The following PCDHGB4 variants were observed in gnomAD, a reference collection of about 807,000 sequenced individuals.
PCDHGB4 encodes protocadherin gamma-B4.
Under a neutral mutation model 60.5 loss-of-function variants are expected in PCDHGB4, and 38 were observed. The observed-to-expected ratio is 0.63, with a 90% CI of 0.48 to 0.82. The LOEUF (loss-of-function observed/expected upper bound fraction) is 0.82, where lower values mean the gene tolerates loss of function less well. PCDHGB4 is among the 40% of genes least tolerant of loss of function. The pLI is 0.00. For missense variants in PCDHGB4, 1,109 were observed against 1,209.6 expected (o/e 0.92, Z 1.23); for synonymous variants, 456 against 509.7 (o/e 0.89, Z 1.42).
At chr5:141,410,335 T>C (rs2095381391) in intron 1 of PCDHGB4, 1 of 1,613,894 alleles carries the variant, frequency 6.2e-7, no homozygotes, top group African/African-American at 1.3e-5. Context: ...TTCTGGCCAT[T>C]GCCTTGCGCC....
chr5:141,414,767 AGCTACAGAT>A, intron 1 of PCDHGB4: 2 of 1,614,190 alleles, frequency 1.2e-6, no homozygotes, highest in Middle Eastern at 1.6e-4. Flanking sequence ...CAGTTTCATG[AGCTACAGAT>A]GCAGGTGACA....
intron 1 of PCDHGB4, chr5:141,419,602 C>T (rs757423030): frequency 6.2e-7 from 1 of 1,611,874 alleles, no homozygotes; most frequent in Admixed American, 1.7e-5. Flanking sequence ...TGCCGCGGGC[C>T]GCGCAGCCAG....
At chr5:141,448,822 G>A (rs924937891) in intron 1 of PCDHGB4, among the ~76,000 whole-genome samples, 4 of 152,048 alleles carry the variant, frequency 2.6e-5, no homozygotes, top group African/African-American at 9.7e-5. Context: ...GCGGGCGCCT[G>A]TAGTCCCAGC....
chr5:141,418,123 C>A (rs1049456676), intron 1 of PCDHGB4: 8 of 1,613,914 alleles, frequency 5.0e-6, no homozygotes, highest in Admixed American at 3.3e-5. Flanking sequence ...TTGTGAAGGA[C>A]CGAATAGACC....
intron 2 of PCDHGB4, among the ~76,000 whole-genome samples, chr5:141,496,856 G>A (rs1324235700): frequency 6.7e-6 from 1 of 150,206 alleles, no homozygotes; most frequent in African/African-American, 2.5e-5. Context: ...CAGACCAGCA[G>A]AGGAGACTGA....
At chr5:141,496,799 G>C (rs2099771487) in intron 2 of PCDHGB4, among the ~76,000 whole-genome samples, 1 of 151,912 alleles carries the variant, frequency 6.6e-6, no homozygotes, top group African/African-American at 2.4e-5. Context: ...TAAACATTGG[G>C]CTATAGGAGT....
intron 1 of PCDHGB4, chr5:141,418,458 T>C: frequency 6.2e-7 from 1 of 1,614,010 alleles, no homozygotes; most frequent in African/African-American, 1.3e-5. Context: ...CAGAAGACTC[T>C]GGACCGAGAA....
At chr5:141,442,205 A>G (rs2098308049) in intron 1 of PCDHGB4, 1 of 153,214 alleles carries the variant, frequency 6.5e-6, no homozygotes, top group Admixed American at 6.5e-5. Context: ...ATATCTGGTG[A>G]TTGCCTTAGC....
At chr5:141,402,221 G>T (rs567791316) in intron 1 of PCDHGB4, among the ~76,000 whole-genome samples, 1 of 151,824 alleles carries the variant, frequency 6.6e-6, no homozygotes, top group East Asian at 1.9e-4. Flanking sequence ...TAAAATAAAC[G>T]TTTTTCCAGG....
chr5:141,407,656 C>T (rs1333500318), intron 1 of PCDHGB4, among the ~76,000 whole-genome samples: 1 of 151,756 alleles, frequency 6.6e-6, no homozygotes, highest in Admixed American at 6.6e-5. Flanking sequence ...TGGGGGAGCG[C>T]AGTATATATT....
At chr5:141,407,873 A>C (rs561323423) in intron 1 of PCDHGB4, 1 of 354,804 alleles carries the variant, frequency 2.8e-6, no homozygotes, top group African/African-American at 2.1e-5. Flanking sequence ...CGAAGAATAT[A>C]TACATTTCGG....
chr5:141,491,327 T>C lies in PCDHGB4; in HGVS notation c.2398-3480T>C, dbSNP rs1422115943. ...TCAGACCTTACCCTTTACCTCATTG[T>C]GGCTCTAGCGACCGTCAGTCTCTTA... is the stretch of plus-strand genomic sequence containing the variant. On this transcript the variant is annotated intron_variant, in intron 1 of 3. Coordinates refer to ENST00000519479, the MANE Select transcript of PCDHGB4 (RefSeq NM_003736.4). This position sits in a 1 kb window ranked among gnomAD's most constrained non-coding sequence, Gnocchi z 6.9. 5.6e-6 allele frequency: 9 copies of C among 1,614,098 alleles called. No homozygotes were observed. Among genetic ancestry groups the C allele is most frequent in the Admixed American group, 3.3e-5 (2 of 60,006 alleles).
chr5:141,405,621 C>T lies in PCDHGB4; in HGVS notation c.2397+15340C>T, dbSNP rs2094693815. 9.2e-6 allele frequency: 5 copies of T among 543,194 alleles called. No individual in the cohort carries two copies. In the South Asian group the frequency reaches 1.0e-4, roughly 11 times the overall value. 33.6% of individuals were successfully genotyped at this position (543,194 alleles called of 1,614,324 possible). ...AGTAGAATAACTGGGACTACAGGCA[C>T]GTGCCACCACGCCCGGCTAATTTTT... On this transcript the variant is annotated intron_variant, in intron 1 of 3. Coordinates refer to ENST00000519479, the MANE Select transcript of PCDHGB4 (RefSeq NM_003736.4).
At chr5:141,478,355 G>T (rs1193169527) in intron 1 of PCDHGB4, 7 of 1,613,742 alleles carry the variant, frequency 4.3e-6, no homozygotes, top group Non-Finnish European at 5.1e-6. Flanking sequence ...CGCGGACGCC[G>T]TGCGGGGAGG....
At position 141,508,909 on chromosome 5, in the gene PCDHGB4, G is replaced by A. The variant is rs545345992; in HGVS notation, c.2546-2038G>A. ...GAGGGGAGGGGGCGGGGCGGTGGCG[G>A]ATCTGGCTTCCTTTTGGAGTTAATT... is the stretch of plus-strand genomic sequence containing the variant. On this transcript the variant is annotated intron_variant, in intron 3 of 3. Coordinates refer to ENST00000519479, the MANE Select transcript of PCDHGB4 (RefSeq NM_003736.4). 2.0e-5 allele frequency among the ~76,000 whole-genome samples: 3 copies of A among 152,202 alleles called. No homozygotes were observed. The South Asian group carries it at 6.2e-4, about 32-fold the overall frequency.
At chr5:141,500,250 C>T (rs913074120) in intron 2 of PCDHGB4, among the ~76,000 whole-genome samples, 4 of 149,826 alleles carry the variant, frequency 2.7e-5, no homozygotes, top group African/African-American at 9.9e-5. Flanking sequence ...GCTCTGTCAC[C>T]CAGGCTGGAC....
In PCDHGB4 at chr5:141,476,651, T is replaced by C. The variant is rs1355056895; in HGVS notation, c.2398-18156T>C. On this transcript the variant is annotated intron_variant, in intron 1 of 3. Coordinates refer to ENST00000519479, the MANE Select transcript of PCDHGB4 (RefSeq NM_003736.4). This position sits in a 1 kb window ranked among gnomAD's most constrained non-coding sequence, Gnocchi z 7.6. ...AACCTATGAGCTGAGCCGAAATGAA[T>C]ACTTTGCGCTTCGCGTGCAGACGCG... is the stretch of plus-strand genomic sequence containing the variant. The C allele has an allele frequency of 3.7e-6, 6 of 1,614,118 alleles. No individual in the cohort carries two copies. Among genetic ancestry groups the C allele is most frequent in the Non-Finnish European group, 5.1e-6 (6 of 1,180,050 alleles).
intron 1 of PCDHGB4, chr5:141,405,413 T>C: frequency 6.4e-7 from 1 of 1,561,606 alleles, no homozygotes; most frequent in South Asian, 1.2e-5. Context: ...TTTTCTTTTT[T>C]TGTTTTTTGT....
Position 141,431,655 on chromosome 5 carries a change from G to A in PCDHGB4, c.2397+41374G>A, listed in dbSNP as rs199998405. On this transcript the variant is annotated intron_variant, in intron 1 of 3. Transcript: ENST00000519479. This position sits in a 1 kb window ranked among gnomAD's most constrained non-coding sequence, Gnocchi z 4.8. Reference sequence around the variant, plus strand: ...GTTTTCAAACTAGATTGTAATTCAGGGACAATATCAACAATAGGGGAGTTG... The same window carrying A: ...GTTTTCAAACTAGATTGTAATTCAGAGACAATATCAACAATAGGGGAGTTG... 52 of 1,614,208 alleles carry A rather than the reference G, an allele frequency of 3.2e-5. No individual in the cohort carries two copies. The highest frequency in any genetic ancestry group is 3.3e-4 in the Middle Eastern group (2 of 6,062).
Sources: gnomAD v4.1 joint callset for allele counts (sites outside exome capture counted in the v4.1 genomes callset) on GRCh38, gnomAD v4.1.1 for gene constraint, Gnocchi (gnomAD v3.1) non-coding constraint, MANE v1.5 for transcripts, NCBI Gene and HGNC (gene_info 2026-07-23, HGNC 2026-07-21) for gene names.